Variants in SLC8A1 observed in about 807,000 individuals in gnomAD.
SLC8A1 encodes solute carrier family 8 member A1.
A neutral mutation model predicts 68.3 loss-of-function variants in SLC8A1; 18 were observed. That is an observed-to-expected ratio of 0.26 (90% CI 0.18 to 0.39). The LOEUF (loss-of-function observed/expected upper bound fraction) is 0.39. Among genes scored for constraint, SLC8A1 ranks in the 10% least tolerant of loss-of-function variants. SLC8A1 has a pLI of 1.00. For synonymous variants in SLC8A1, 475 were observed against 415.5 expected, an observed-to-expected ratio of 1.14 and a Z score of -1.74; for missense variants, 985 against 1,156.7, an observed-to-expected ratio of 0.85 and a Z score of 2.15.
chr2:40,193,358 T>C (rs1179770495), intron 2 of SLC8A1, among the ~76,000 whole-genome samples: 2 of 152,008 alleles, frequency 1.3e-5, no homozygotes, highest in Non-Finnish European at 2.9e-5. Context: ...ACATTAGGCA[T>C]TGGGGATAAA....
At chr2:40,258,781 G>C (rs1246256335) in intron 2 of SLC8A1, among the ~76,000 whole-genome samples, 1 of 152,066 alleles carries the variant, frequency 6.6e-6, no homozygotes, top group African/African-American at 2.4e-5. Flanking sequence ...GGCAGAGGTT[G>C]CAGTGAGGCA....
chr2:40,290,922 C>CT (rs1349045616), intron 2 of SLC8A1, among the ~76,000 whole-genome samples: 3 of 152,206 alleles, frequency 2.0e-5, no homozygotes, highest in Non-Finnish European at 4.4e-5. Flanking sequence ...ATGGATTCCT[C>CT]TGGCAACTTT....
At chr2:40,282,289 G>C (rs2067640929) in intron 2 of SLC8A1, among the ~76,000 whole-genome samples, 1 of 152,098 alleles carries the variant, frequency 6.6e-6, no homozygotes, top group Admixed American at 6.6e-5. Context: ...ATAAAATCCA[G>C]AATTCAGCTT....
At chr2:40,269,419 T>C (rs963484378) in intron 2 of SLC8A1, among the ~76,000 whole-genome samples, 2 of 152,148 alleles carry the variant, frequency 1.3e-5, no homozygotes, top group Non-Finnish European at 2.9e-5. Flanking sequence ...CTCTTTGACT[T>C]AGAAAAAAAT....
intron 1 of SLC8A1, among the ~76,000 whole-genome samples, chr2:40,484,968 C>T (rs1704863375): frequency 6.6e-6 from 1 of 152,078 alleles, no homozygotes; most frequent in African/African-American, 2.4e-5. Context: ...CTGAAGAATT[C>T]AAGAAAATTT....
chr2:40,417,535 G>C (rs372675590), intron 2 of SLC8A1, among the ~76,000 whole-genome samples: 1 of 152,018 alleles, frequency 6.6e-6, no homozygotes, highest in African/African-American at 2.4e-5. Context: ...CTGAGACAAG[G>C]TCTCGCTCTG....
chr2:40,118,141 G>A (rs1468544363), intron 7 of SLC8A1, among the ~76,000 whole-genome samples: 1 of 152,208 alleles, frequency 6.6e-6, no homozygotes, highest in East Asian at 1.9e-4. Context: ...TGGGCTAGAT[G>A]TCATTACTCC....
Position 40,303,574 on chromosome 2 carries a change from C to T in SLC8A1, c.1808+124899G>A, listed in dbSNP as rs140429891. On this transcript the variant is annotated intron_variant, in intron 2 of 7. Transcript: ENST00000406785. Reference sequence around the variant, plus strand: ...TCTAGGTATCTGATTGCATATGTTCCTGTGTGCTCCTAAAGGTGCCAGGGG... The same window carrying T: ...TCTAGGTATCTGATTGCATATGTTCTTGTGTGCTCCTAAAGGTGCCAGGGG... Among the ~76,000 whole-genome samples the T allele has an allele frequency of 1.1e-4, 16 of 152,272 alleles. No individual in the cohort carries two copies. In the East Asian group the frequency reaches 3.1e-3, roughly 29 times the overall value.
chr2:40,429,222 G>T (rs778828838), exon 2 of SLC8A1: 4 of 1,613,868 alleles, frequency 2.5e-6, no homozygotes, highest in Non-Finnish European at 1.7e-6. Flanking sequence ...GCTGACTTAG[G>T]ACTTGGTAGT....
intron 2 of SLC8A1, among the ~76,000 whole-genome samples, chr2:40,239,414 T>G (rs1018434663): frequency 6.6e-6 from 1 of 152,208 alleles, no homozygotes; most frequent in Non-Finnish European, 1.5e-5. Context: ...GATTTAGGGC[T>G]AGAATGTTTT....
intron 4 of SLC8A1, among the ~76,000 whole-genome samples, chr2:40,167,465 A>G (rs1300795324): frequency 6.6e-6 from 1 of 152,250 alleles, no homozygotes; most frequent in Non-Finnish European, 1.5e-5. Context: ...AGGCAATTTT[A>G]AAAATTACAT....
At chr2:40,180,308 A>G (rs942165197) in intron 2 of SLC8A1, among the ~76,000 whole-genome samples, 1 of 152,216 alleles carries the variant, frequency 6.6e-6, no homozygotes, top group Non-Finnish European at 1.5e-5. Flanking sequence ...ATTATAAAAT[A>G]TTAGAGAAGG....
intron 2 of SLC8A1, among the ~76,000 whole-genome samples, chr2:40,263,258 T>C (rs541957493): frequency 6.6e-6 from 1 of 152,344 alleles, no homozygotes; most frequent in South Asian, 2.1e-4. Context: ...TGTAGAGTTG[T>C]TGTGAATACA....
chr2:40,151,964 T>C (rs1007692382), intron 6 of SLC8A1, among the ~76,000 whole-genome samples: 1 of 152,228 alleles, frequency 6.6e-6, no homozygotes, highest in East Asian at 1.9e-4. Context: ...AGATTTACTT[T>C]GTGATATCCA....
intron 2 of SLC8A1, among the ~76,000 whole-genome samples, chr2:40,362,280 GA>G (rs535186754): frequency 1.3e-5 from 2 of 149,358 alleles, no homozygotes; most frequent in African/African-American, 5.0e-5. Flanking sequence ...AATGGAAAAA[GA>G]AAAAAAGAAA....
intron 2 of SLC8A1, among the ~76,000 whole-genome samples, chr2:40,341,470 T>C (rs1193993119): frequency 1.3e-5 from 2 of 152,214 alleles, no homozygotes; most frequent in Admixed American, 1.3e-4. Context: ...TCTTTGCAGG[T>C]TACTCTATAA....
At chr2:40,341,023 C>A (rs1667527367) in intron 2 of SLC8A1, among the ~76,000 whole-genome samples, 1 of 152,176 alleles carries the variant, frequency 6.6e-6, no homozygotes, top group South Asian at 2.1e-4. Flanking sequence ...GTGGAGAAAG[C>A]ATTTGAAGGA....
At chr2:40,386,621 C>CA (rs76213179) in intron 2 of SLC8A1, among the ~76,000 whole-genome samples, 11,830 of 127,062 alleles carry the variant, frequency 0.093, 1,582 homozygotes, top group African/African-American at 0.27. Context: ...ATTTAAAAAT[C>CA]AAAAAAAAAA....
intron 2 of SLC8A1, among the ~76,000 whole-genome samples, chr2:40,180,447 C>T (rs189429552): frequency 3.6e-4 from 55 of 152,274 alleles, no homozygotes; most frequent in Admixed American, 2.7e-3. Flanking sequence ...ACAAAACTTA[C>T]GCATTTTGGG....
Sources: gnomAD v4.1 joint callset for allele counts (sites outside exome capture counted in the v4.1 genomes callset) on GRCh38, gnomAD v4.1.1 for gene constraint, MANE v1.5 for transcripts, NCBI Gene and HGNC (gene_info 2026-07-23, HGNC 2026-07-21) for gene names.